KLHL6: variants seen among roughly 807,000 people sequenced by gnomAD.
KLHL6 encodes the protein kelch like family member 6, also known as kelch-like protein 6.
KLHL6 carries 41 observed loss-of-function variants against 58.6 expected under a neutral mutation model. The ratio of observed to expected loss-of-function variants is 0.70; its 90% confidence interval spans 0.55 to 0.91. The LOEUF is 0.91. Ranked by LOEUF, KLHL6 falls within the 40% of genes least tolerant of loss-of-function variation. The probability of loss-of-function intolerance (pLI) is 0.00; values close to 1 mark genes in which losing one functional copy is unlikely to be tolerated. For missense variants in KLHL6, 714 were observed against 805.6 expected (o/e 0.89, Z 1.38); for synonymous variants, 338 against 322.7 (o/e 1.05, Z -0.51).
rs532508959 is a variant in KLHL6, at chr3:183,499,892, G to A, written c.910-65C>T. ...AAAGTTTCAGAGCTCGGGCTATGGA[G>A]CCATTAGGAGTCGGGTCCAATTCCC... On this transcript the variant is annotated intron_variant, in intron 3 of 6. Transcript: ENST00000341319. The surrounding 1 kb of genome is among the most constrained non-coding windows in gnomAD (Gnocchi z 4.6). The A allele has an allele frequency of 4.0e-6, 5 of 1,262,128 alleles. No homozygotes were observed. Among genetic ancestry groups the A allele is most frequent in the Middle Eastern group, 1.9e-4 (1 of 5,130 alleles). The allele number at this position is 1,262,128 out of a possible 1,614,324, so 78.2% of individuals were successfully genotyped here.
chr3:183,529,716 C>T (rs2108686339), intron 1 of KLHL6, among the ~76,000 whole-genome samples: 1 of 151,794 alleles, frequency 6.6e-6, no homozygotes, highest in South Asian at 2.1e-4. Context: ...ACCCAGGAGG[C>T]AGAGGTTGCA....
chr3:183,507,378 T>C (rs975478024), intron 3 of KLHL6, among the ~76,000 whole-genome samples: 1 of 152,102 alleles, frequency 6.6e-6, no homozygotes, highest in Non-Finnish European at 1.5e-5. Flanking sequence ...AGCACCCCCA[T>C]GGAATAGTGA....
At chr3:183,539,731 A>G (rs1426282537) in intron 1 of KLHL6, among the ~76,000 whole-genome samples, 1 of 150,410 alleles carries the variant, frequency 6.6e-6, no homozygotes, top group Non-Finnish European at 1.5e-5. Flanking sequence ...CAAAAAAACA[A>G]CTCCCTTCTG....
chr3:183,553,959 G>C (rs57347231), intron 1 of KLHL6, among the ~76,000 whole-genome samples: 9 of 145,794 alleles, frequency 6.2e-5, no homozygotes, highest in African/African-American at 2.1e-4. Context: ...ACAAAGAAAC[G>C]TTTCCCCCCA....
chr3:183,506,151 T>C (rs1717994495), intron 3 of KLHL6, among the ~76,000 whole-genome samples: 1 of 152,216 alleles, frequency 6.6e-6, no homozygotes, highest in African/African-American at 2.4e-5. Context: ...GTGAGATATA[T>C]GTATGGGTGT....
chr3:183,511,080 C>T (rs1577184522), intron 2 of KLHL6, among the ~76,000 whole-genome samples: 1 of 152,128 alleles, frequency 6.6e-6, no homozygotes, highest in African/African-American at 2.4e-5. Context: ...CGGCACCAGT[C>T]TCTGAGTTCC....
At chr3:183,539,327 G>A (rs953685473) in intron 1 of KLHL6, among the ~76,000 whole-genome samples, 7 of 152,138 alleles carry the variant, frequency 4.6e-5, no homozygotes, top group East Asian at 1.9e-4. Flanking sequence ...ATCCCATTCC[G>A]TTTGCCAGCT....
At chr3:183,524,596 C>CTT (rs1711888511) in intron 2 of KLHL6, among the ~76,000 whole-genome samples, 1 of 152,146 alleles carries the variant, frequency 6.6e-6, no homozygotes, top group Non-Finnish European at 1.5e-5. Flanking sequence ...ATGACGTTGC[C>CTT]TGGCCTGGTA....
intron 2 of KLHL6, among the ~76,000 whole-genome samples, chr3:183,526,523 T>C (rs1239599112): frequency 6.6e-6 from 1 of 152,168 alleles, no homozygotes; most frequent in East Asian, 1.9e-4. Context: ...TCTTAAGAAT[T>C]GACACTTATA....
At chr3:183,543,322 A>G (rs1007442611) in intron 1 of KLHL6, among the ~76,000 whole-genome samples, 20 of 151,812 alleles carry the variant, frequency 1.3e-4, no homozygotes, top group Admixed American at 3.9e-4. Context: ...AGATAATACT[A>G]TGCAGTGCTC....
rs780034276 is a variant in KLHL6 at position 183,492,639 on chromosome 3, G to A, written c.1419C>T (p.Ile473=). 18 of 1,614,074 alleles carry A rather than the reference G, an allele frequency of 1.1e-5. No individual in the cohort carries two copies. Among genetic ancestry groups the A allele is most frequent in the East Asian group, 2.2e-5 (1 of 44,872 alleles). ...ATSHKKKLYV[I]GGGPNGKLAT... is the part of the protein sequence containing the mutation. ...CCAGTTTCCCATTGGGCCCTCCCCC[G>A]ATCACATACAGCTTCTTCTTATGGC... The change falls in exon 6 of 7, where the codon ATC becomes ATT. Residue 473 remains isoleucine (I), a synonymous_variant. Coordinates refer to ENST00000341319, the MANE Select transcript of KLHL6 (RefSeq NM_130446.4). The surrounding 1 kb of genome is among the most constrained non-coding windows in gnomAD (Gnocchi z 5.9).
At chr3:183,498,782 T>C (rs968198109) in intron 4 of KLHL6, among the ~76,000 whole-genome samples, 2 of 152,156 alleles carry the variant, frequency 1.3e-5, no homozygotes, top group African/African-American at 2.4e-5. Flanking sequence ...CCAGGTCTAA[T>C]GGGAAAGGCA....
Position 183,545,850 on chromosome 3 carries a change from A to T in KLHL6, c.293+9511T>A, listed in dbSNP as rs10451931. Reference sequence around the variant, plus strand: ...ATTTTTCCTGTGATAGCCACATTTTATCATCTTTCCCTTTTCTAAAGTTGC... The same window carrying T: ...ATTTTTCCTGTGATAGCCACATTTTTTCATCTTTCCCTTTTCTAAAGTTGC... On this transcript the variant is annotated intron_variant, in intron 1 of 6. Coordinates refer to ENST00000341319, the MANE Select transcript of KLHL6 (RefSeq NM_130446.4). 6.8e-3 allele frequency among the ~76,000 whole-genome samples: 1,039 copies of T among 152,314 alleles called. 7 individuals are homozygous for T. Among genetic ancestry groups the T allele is most frequent in the African/African-American group, 0.024 (998 of 41,562 alleles).
At chr3:183,510,504 T>G (rs1220218231) in intron 2 of KLHL6, among the ~76,000 whole-genome samples, 1 of 152,140 alleles carries the variant, frequency 6.6e-6, no homozygotes, top group Admixed American at 6.5e-5. Context: ...AGGGAACACA[T>G]CCCTGACTTT....
At chr3:183,505,008 C>G (rs1717964709) in intron 3 of KLHL6, among the ~76,000 whole-genome samples, 1 of 152,186 alleles carries the variant, frequency 6.6e-6, no homozygotes, top group Non-Finnish European at 1.5e-5. Flanking sequence ...GCCTCCAGCT[C>G]CATCCATGTT....
At chr3:183,500,042 C>A (rs1033429864) in intron 3 of KLHL6, among the ~76,000 whole-genome samples, 2 of 152,162 alleles carry the variant, frequency 1.3e-5, no homozygotes, top group Non-Finnish European at 2.9e-5. Context: ...GGATAATGTA[C>A]ACAGTGTGCT....
At chr3:183,551,169 A>C (rs1268894976) in intron 1 of KLHL6, among the ~76,000 whole-genome samples, 1 of 151,924 alleles carries the variant, frequency 6.6e-6, no homozygotes, top group Non-Finnish European at 1.5e-5. Flanking sequence ...TTTCTTAGGA[A>C]GTTATTGGAG....
intron 1 of KLHL6, among the ~76,000 whole-genome samples, chr3:183,548,048 G>A (rs369809770): frequency 1.3e-5 from 2 of 152,180 alleles, no homozygotes; most frequent in East Asian, 3.8e-4. Context: ...ATGTCTGGGG[G>A]CTGAGCTGAC....
chr3:183,491,833 T>G lies in KLHL6; in HGVS notation c.*94A>C. ...GATCCCCTGATGTATGGCCTCAAAC[T>G]CGAGCCTGCTGCCTGAAGTGGGACT... On this transcript the variant is annotated 3_prime_UTR_variant, in exon 7 of 7. Transcript: ENST00000341319. 1 of 1,179,746 alleles carries G rather than the reference T, an allele frequency of 8.5e-7. No individual in the cohort carries two copies. The highest frequency in any genetic ancestry group is 1.1e-6 in the Non-Finnish European group (1 of 876,804). 73.1% of individuals were successfully genotyped at this position (1,179,746 alleles called of 1,614,324 possible).
Sources: gnomAD v4.1 joint callset for allele counts (sites outside exome capture counted in the v4.1 genomes callset) on GRCh38, gnomAD v4.1.1 for gene constraint, Gnocchi (gnomAD v3.1) non-coding constraint, MANE v1.5 for transcripts, NCBI Gene and HGNC (gene_info 2026-07-23, HGNC 2026-07-21) for gene names.